Variants in MARK1 observed in about 807,000 individuals in gnomAD.
MARK1 encodes the protein serine/threonine-protein kinase MARK1.
MARK1 carries 40 observed loss-of-function variants against 96.3 expected under a neutral mutation model. That is an observed-to-expected ratio of 0.42 (90% CI 0.32 to 0.54). The LOEUF (loss-of-function observed/expected upper bound fraction) is 0.54, where lower values mean the gene tolerates loss of function less well. MARK1 is among the 20% of genes least tolerant of loss of function. The pLI, the probability that MARK1 is intolerant of heterozygous loss-of-function variation, is 0.16. For missense variants in MARK1, 719 were observed against 984.6 expected, an observed-to-expected ratio of 0.73 and a Z score of 3.61; for synonymous variants, 317 against 341.2, an observed-to-expected ratio of 0.93 and a Z score of 0.78.
intron 13 of MARK1, among the ~76,000 whole-genome samples, chr1:220,644,961 A>G (rs944255814): frequency 2.0e-5 from 3 of 152,194 alleles, no homozygotes; most frequent in Non-Finnish European, 4.4e-5. Flanking sequence ...ACTAAATACC[A>G]CATCAAAAAG....
chr1:220,607,854 G>T (rs539392835), intron 6 of MARK1, among the ~76,000 whole-genome samples: 71 of 152,258 alleles, frequency 4.7e-4, no homozygotes, highest in African/African-American at 1.5e-3. Flanking sequence ...GATGGATTAC[G>T]TTTATTGATT....
chr1:220,613,003 G>T (rs575992289), intron 6 of MARK1, among the ~76,000 whole-genome samples: 1 of 152,202 alleles, frequency 6.6e-6, no homozygotes, highest in East Asian at 1.9e-4. Context: ...CAAAGTAACC[G>T]TGATAACTCC....
intron 6 of MARK1, among the ~76,000 whole-genome samples, chr1:220,613,568 G>C (rs1666575719): frequency 6.6e-6 from 1 of 152,068 alleles, no homozygotes; most frequent in Non-Finnish European, 1.5e-5. Flanking sequence ...GTAATTATCA[G>C]CAAATTTCTG....
Position 220,661,902 on chromosome 1 carries a change from C to T in MARK1, c.2124C>T (p.Thr708=), listed in dbSNP as rs572895945. 6.2e-7 allele frequency: 1 copy of T among 1,614,130 alleles called. No individual in the cohort carries two copies. The highest frequency in any genetic ancestry group is 1.3e-5 in the African/African-American group (1 of 75,034). ...TGCGGTTCACATGGAGTATGAAGAC[C>T]ACTAGTTCAATGGACCCTAATGACA... The part of the protein sequence containing the change: ...RSLRFTWSMK[T]TSSMDPNDMM... The change falls in exon 18 of 18, where the codon ACC becomes ACT. Residue 708 remains threonine, a synonymous_variant. Transcript: ENST00000366917.
chr1:220,613,169 G>A (rs1290403013), intron 6 of MARK1, among the ~76,000 whole-genome samples: 1 of 152,170 alleles, frequency 6.6e-6, no homozygotes, highest in Non-Finnish European at 1.5e-5. Flanking sequence ...AGGTCTAGCT[G>A]TAAAATAATG....
At chr1:220,597,305 A>G (rs1665432129) in intron 3 of MARK1, among the ~76,000 whole-genome samples, 1 of 151,866 alleles carries the variant, frequency 6.6e-6, no homozygotes, top group Non-Finnish European at 1.5e-5. Context: ...ATTTTTTTTC[A>G]TGGAGGCTTT....
At position 220,662,010 on chromosome 1, in the gene MARK1, T is replaced by C. The variant is rs746032770; in HGVS notation, c.2232T>C (p.His744=). The part of the protein sequence containing the change: ...QKERFLLFCV[H]GDARQDSLVQ... ...AGAGATTTTTGCTTTTCTGTGTCCA[T>C]GGAGACGCTAGACAGGATAGCCTCG... Residue 744 remains histidine (H), a synonymous_variant, in exon 18 of 18, where the codon CAT becomes CAC. Coordinates refer to ENST00000366917, the MANE Select transcript of MARK1 (RefSeq NM_018650.5). 3 of 1,614,216 alleles carry C rather than the reference T, an allele frequency of 1.9e-6. No homozygotes were observed.
At chr1:220,589,341 G>T (rs920881900) in intron 3 of MARK1, among the ~76,000 whole-genome samples, 1 of 152,150 alleles carries the variant, frequency 6.6e-6, no homozygotes, top group Non-Finnish European at 1.5e-5. Flanking sequence ...AAGAGTGCTA[G>T]CAGAGGAATG....
intron 5 of MARK1, among the ~76,000 whole-genome samples, chr1:220,600,892 C>CTTTTTTTTTTTTTTTTTTTTTT (rs11417176): frequency 6.9e-6 from 1 of 144,260 alleles, no homozygotes; most frequent in Non-Finnish European, 1.5e-5. Flanking sequence ...TTTTCTTTTT[C>CTTTTTTTTTTTTTTTTTTTTTT]TTTTTTTTTT....
rs767530563 is a variant in MARK1, at chr1:220,600,766, C to G, written c.424+903C>G. ...TTAGTGTTGAACTTACTATTGAGCTCTTTTAGTTAATGAAATTTATAATTT... is the reference window on the plus strand; with the variant it reads ...TTAGTGTTGAACTTACTATTGAGCTGTTTTAGTTAATGAAATTTATAATTT... On this transcript the variant is annotated intron_variant, in intron 5 of 17. Transcript: ENST00000366917. 6.6e-5 allele frequency among the ~76,000 whole-genome samples: 10 copies of G among 151,798 alleles called. No individual in the cohort carries two copies. In the South Asian group the frequency reaches 1.9e-3, roughly 28 times the overall value.
chr1:220,556,193 G>A (rs982545694), intron 1 of MARK1, among the ~76,000 whole-genome samples: 7 of 152,108 alleles, frequency 4.6e-5, no homozygotes, highest in African/African-American at 1.7e-4. Context: ...TCAAAGCCTT[G>A]ATAGCTCTGT....
At chr1:220,659,977 G>A (rs776293265) in intron 17 of MARK1, among the ~76,000 whole-genome samples, 2 of 152,132 alleles carry the variant, frequency 1.3e-5, no homozygotes, top group Non-Finnish European at 1.5e-5. Context: ...TAGTAGAGAC[G>A]AGGTTTCACC....
chr1:220,603,488 A>G (rs933730954), intron 5 of MARK1, among the ~76,000 whole-genome samples: 1 of 152,118 alleles, frequency 6.6e-6, no homozygotes, highest in African/African-American at 2.4e-5. Flanking sequence ...AGAGATACAC[A>G]CACAAATGAT....
At chr1:220,636,104 T>C (rs1667948663) in intron 13 of MARK1, 78 bp downstream of exon 13, 2 of 1,019,902 alleles carry the variant, frequency 2.0e-6, no homozygotes, top group South Asian at 4.9e-5. Flanking sequence ...TTATCTTTCA[T>C]TTTTTTAAAT....
In MARK1 at chr1:220,643,600, T is replaced by C. The variant is rs557072414; in HGVS notation, c.1471-7020T>C. Among the ~76,000 whole-genome samples, 6 of 151,808 alleles carry C rather than the reference T, an allele frequency of 4.0e-5. No homozygotes were observed. In the South Asian group the frequency reaches 1.3e-3, roughly 32 times the overall value. On this transcript the variant is annotated intron_variant, in intron 13 of 17. Transcript: ENST00000366917. ...GACCCCAATAAGATACTCCACAAGA[T>C]CAACCCCAAGACACATAATCATCAG...
intron 1 of MARK1, among the ~76,000 whole-genome samples, chr1:220,558,374 AAAAG>A (rs1325558141): frequency 6.6e-6 from 1 of 151,624 alleles, no homozygotes; most frequent in African/African-American, 2.4e-5. Context: ...GGATAGAAGA[AAAAG>A]AAAAAACCAG....
intron 3 of MARK1, among the ~76,000 whole-genome samples, chr1:220,592,761 C>T (rs540749483): frequency 1.3e-5 from 2 of 152,140 alleles, no homozygotes; most frequent in South Asian, 4.1e-4. Flanking sequence ...TTCTCAACTG[C>T]TTGGAGTGTA....
At chr1:220,614,472 C>A (rs1666628565) in intron 6 of MARK1, among the ~76,000 whole-genome samples, 1 of 151,828 alleles carries the variant, frequency 6.6e-6, no homozygotes, top group Non-Finnish European at 1.5e-5. Context: ...TTATGATTCT[C>A]TCATAAAAGG....
intron 1 of MARK1, among the ~76,000 whole-genome samples, chr1:220,564,121 T>G (rs1235487147): frequency 6.6e-6 from 1 of 152,228 alleles, no homozygotes; most frequent in Admixed American, 6.5e-5. Context: ...AAATGGCCTT[T>G]AAATAGCCTG....
Sources: gnomAD v4.1 joint callset for allele counts (sites outside exome capture counted in the v4.1 genomes callset) on GRCh38, gnomAD v4.1.1 for gene constraint, MANE v1.5 for transcripts, NCBI Gene and HGNC (gene_info 2026-07-23, HGNC 2026-07-21) for gene names.